The following GMPS variants were observed in gnomAD, a reference collection of about 807,000 sequenced individuals.
GMPS encodes GMP synthase [glutamine-hydrolyzing].
A neutral mutation model predicts 77.9 loss-of-function variants in GMPS; 15 were observed. The ratio of observed to expected loss-of-function variants is 0.19; its 90% CI spans 0.13 to 0.30. The LOEUF is 0.30. Ranked by LOEUF, GMPS falls within the 10% of genes least tolerant of loss-of-function variation. The pLI is 1.00. For synonymous variants in GMPS, 224 were observed against 275.9 expected (o/e 0.81, Z 1.86); for missense variants, 590 against 838.8 (o/e 0.70, Z 3.66).
At chr3:155,933,531 C>CT (rs11430855) in intron 13 of GMPS, among the ~76,000 whole-genome samples, 28,355 of 152,094 alleles carry the variant, frequency 0.19, 2,827 homozygotes, top group South Asian at 0.26. Context: ...AACTTACTGT[C>CT]TATACGTGGG....
At chr3:155,921,799 A>C (rs1215253434) in intron 10 of GMPS, among the ~76,000 whole-genome samples, 1 of 152,162 alleles carries the variant, frequency 6.6e-6, no homozygotes, top group African/African-American at 2.4e-5. Flanking sequence ...CTCTTAAAAA[A>C]AGGGAGATAG....
At chr3:155,931,913 T>C in intron 13 of GMPS, 33 bp downstream of exon 13, 1 of 943,484 alleles carries the variant, frequency 1.1e-6, no homozygotes, top group Non-Finnish European at 1.7e-6. Flanking sequence ...TGGGGGCTTG[T>C]GTAATGGAAG....
chr3:155,932,894 T>C (rs1313289277), intron 13 of GMPS, among the ~76,000 whole-genome samples: 1 of 152,176 alleles, frequency 6.6e-6, no homozygotes, highest in Non-Finnish European at 1.5e-5. Flanking sequence ...GAATTATTAC[T>C]ATCTTCAATA....
intron 8 of GMPS, among the ~76,000 whole-genome samples, chr3:155,915,253 TG>T (rs1755146031): frequency 6.8e-6 from 1 of 147,684 alleles, no homozygotes; most frequent in Non-Finnish European, 1.5e-5. Flanking sequence ...TTTTTTTTTT[TG>T]GAGGCGGAGT....
Position 155,931,745 on chromosome 3 carries a change from G to A in GMPS, c.1561-20G>A. ...TATCTTTTGACTATTAAAAATTATT[G>A]ATTATCTTTTTATTTTCAGGGTGAC... On this transcript the variant is annotated intron_variant, in intron 12 of 15. Coordinates refer to ENST00000496455, the MANE Select transcript of GMPS (RefSeq NM_003875.3). 1 of 938,566 alleles carries A rather than the reference G, an allele frequency of 1.1e-6. No individual in the cohort carries two copies. Among genetic ancestry groups the A allele is most frequent in the Non-Finnish European group, 1.7e-6 (1 of 588,078 alleles). The allele number at this position is 938,566 out of a possible 1,614,324, so 58.1% of individuals were successfully genotyped here.
At position 155,906,070 on chromosome 3, in the gene GMPS, G is replaced by C. The variant is rs576119403; in HGVS notation, c.423-90G>C. On this transcript the variant is annotated intron_variant, in intron 4 of 15. Transcript: ENST00000496455. ...TTTTTTTTTCTGTTTTTCTAATCAT[G>C]TATGGCAAGCTTGTGTTTCTAAAAC... 6.3e-5 allele frequency: 40 copies of C among 632,100 alleles called. No individual in the cohort carries two copies. The African/African-American group carries it at 6.8e-4, about 11-fold the overall frequency. 39.2% of individuals were successfully genotyped at this position (632,100 alleles called of 1,614,324 possible).
intron 1 of GMPS, among the ~76,000 whole-genome samples, chr3:155,886,948 T>C (rs1286712851): frequency 2.0e-5 from 3 of 152,194 alleles, no homozygotes; most frequent in African/African-American, 7.2e-5. Flanking sequence ...TGTGACTCAA[T>C]ATGAATTAAC....
chr3:155,888,870 CCA>C (rs10541489), intron 1 of GMPS, among the ~76,000 whole-genome samples: 110,818 of 151,338 alleles, frequency 0.73, 40,858 homozygotes, highest in Middle Eastern at 0.8. Context: ...CAGGTGTGAG[CCA>C]CGGCACCTGG....
At chr3:155,911,368 T>C in intron 7 of GMPS, 89 bp downstream of exon 7, 1 of 735,114 alleles carries the variant, frequency 1.4e-6, no homozygotes, top group Admixed American at 3.5e-5. Flanking sequence ...ACAATTACAG[T>C]TTTCTCAGTA....
At chr3:155,905,041 G>A (rs556062286) in intron 4 of GMPS, among the ~76,000 whole-genome samples, 8 of 148,982 alleles carry the variant, frequency 5.4e-5, no homozygotes, top group East Asian at 2.0e-4. Context: ...TTTTTGAGAC[G>A]GAGTCTCACT....
chr3:155,922,092 G>A (rs1755331349), intron 10 of GMPS, 95 bp from the exon 11 acceptor site: 1 of 579,896 alleles, frequency 1.7e-6, no homozygotes, highest in South Asian at 2.5e-5. Flanking sequence ...TTTTGGAAAG[G>A]TTTTATGTTT....
intron 3 of GMPS, among the ~76,000 whole-genome samples, chr3:155,899,601 T>C (rs1252052909): frequency 1.3e-5 from 2 of 152,204 alleles, no homozygotes; most frequent in Non-Finnish European, 2.9e-5. Flanking sequence ...TGAACCTACA[T>C]CAACACATCA....
intron 3 of GMPS, among the ~76,000 whole-genome samples, chr3:155,903,354 T>A (rs1327952750): frequency 2.0e-5 from 3 of 152,304 alleles, no homozygotes; most frequent in Admixed American, 2.0e-4. Context: ...AAAGGCCAGA[T>A]TTTCTTGCTT....
In GMPS at chr3:155,875,349, G is replaced by T. The variant is rs941542980; in HGVS notation, c.27+4452G>T. ...AGGCTCAAGGAATTCTCCTGACTCA[G>T]CCTCCTGAGTAGCTGGGACTAAATG... On this transcript the variant is annotated intron_variant, in intron 1 of 15. Coordinates refer to ENST00000496455, the MANE Select transcript of GMPS (RefSeq NM_003875.3). Among the ~76,000 whole-genome samples the T allele has an allele frequency of 3.9e-5, 6 of 152,094 alleles. No individual in the cohort carries two copies. In the East Asian group the frequency reaches 9.6e-4, roughly 24 times the overall value.
chr3:155,882,799 T>C (rs955125510), intron 1 of GMPS, among the ~76,000 whole-genome samples: 1 of 152,248 alleles, frequency 6.6e-6, no homozygotes, highest in Non-Finnish European at 1.5e-5. Context: ...AAAACGTTCC[T>C]TCACTAACTA....
rs763588850 is a variant in GMPS at position 155,910,748 on chromosome 3, C to G, written c.583C>G (p.Leu195Val). The change falls in exon 6 of 16, where the codon CTT (leucine) becomes GTT (valine). Residue 195 changes from leucine (L) to valine (V), a missense_variant. This residue lies in a region of GMPS where 136 missense variants were observed against 225.6 expected (regional missense o/e 0.60). Transcript: ENST00000496455. ...YGAQFHPEVG[L>V]TENGKVILKN... ...AGCACAGTTCCACCCTGAAGTTGGC[C>G]TTACAGAAAATGGAAAAGTAATACT... The G allele has an allele frequency of 6.2e-7, 1 of 1,610,644 alleles. No homozygotes were observed. The highest frequency in any genetic ancestry group is 1.1e-5 in the South Asian group (1 of 90,594).
chr3:155,893,189 C>T (rs1189677203), intron 1 of GMPS, among the ~76,000 whole-genome samples: 2 of 152,158 alleles, frequency 1.3e-5, no homozygotes, highest in Non-Finnish European at 2.9e-5. Flanking sequence ...ATGTAATAAA[C>T]ATAAACCAGG....
rs1755947036 is a variant in GMPS, at chr3:155,943,613, T to G, written c.*5921T>G. ...ATGAAATCACTGTGTAATTGTTAAT[T>G]GTAAACTGCAATGTCTATTTTGTGT... On this transcript the variant is annotated 3_prime_UTR_variant, in exon 16 of 16. Coordinates refer to ENST00000496455, the MANE Select transcript of GMPS (RefSeq NM_003875.3). 1 of 178,374 alleles carries G rather than the reference T, an allele frequency of 5.6e-6. No homozygotes were observed. Among genetic ancestry groups the G allele is most frequent in the Non-Finnish European group, 1.2e-5 (1 of 83,044 alleles). 11.0% of individuals were successfully genotyped at this position (178,374 alleles called of 1,614,324 possible).
chr3:155,895,258 A>G (rs1273448629), intron 2 of GMPS, among the ~76,000 whole-genome samples: 3 of 152,138 alleles, frequency 2.0e-5, no homozygotes, highest in African/African-American at 7.2e-5. Context: ...CCCCTTTTCT[A>G]GAACATTTTG....
Sources: gnomAD v4.1 joint callset for allele counts (sites outside exome capture counted in the v4.1 genomes callset) on GRCh38, gnomAD v4.1.1 for gene constraint, gnomAD v4.1.1 regional missense constraint, MANE v1.5 for transcripts, NCBI Gene and HGNC (gene_info 2026-07-23, HGNC 2026-07-21) for gene names.